EVI5: variants seen among roughly 807,000 people sequenced by gnomAD.
EVI5 encodes ecotropic viral integration site 5 protein homolog.
EVI5 carries 73 observed loss-of-function variants against 112.0 expected under a neutral mutation model. The ratio of observed to expected loss-of-function variants is 0.65; its 90% confidence interval spans 0.54 to 0.79. The LOEUF (loss-of-function observed/expected upper bound fraction) is 0.79, where lower values mean the gene tolerates loss of function less well. EVI5 is among the 30% of genes least tolerant of loss of function. The pLI is 0.00. For missense variants in EVI5, 900 were observed against 968.8 expected (o/e 0.93, Z 0.94); for synonymous variants, 305 against 319.9 (o/e 0.95, Z 0.50).
intron 18 of EVI5, among the ~76,000 whole-genome samples, chr1:92,579,519 A>G (rs1471252812): frequency 6.6e-6 from 1 of 152,236 alleles, no homozygotes; most frequent in African/African-American, 2.4e-5. Context: ...ATAATATACT[A>G]TAAAATTAAT....
chr1:92,634,953 C>T (rs999661780), intron 14 of EVI5, among the ~76,000 whole-genome samples: 27 of 152,210 alleles, frequency 1.8e-4, no homozygotes, highest in African/African-American at 6.5e-4. Flanking sequence ...ACTCCAGACC[C>T]TGTTTGCCTG....
At chr1:92,707,748 C>T (rs539563551) in intron 2 of EVI5, among the ~76,000 whole-genome samples, 12 of 152,190 alleles carry the variant, frequency 7.9e-5, no homozygotes, top group African/African-American at 2.4e-4. Flanking sequence ...AGTTGAAATA[C>T]ATATCCATAT....
At position 92,689,668 on chromosome 1, in the gene EVI5, C is replaced by T. The variant is rs143901291; in HGVS notation, c.1097+4134G>A. Among the ~76,000 whole-genome samples, 1,520 of 152,114 alleles carry T rather than the reference C, an allele frequency of 1.0e-2. 31 individuals are homozygous for T. Among genetic ancestry groups the T allele is most frequent in the African/African-American group, 0.034 (1,418 of 41,498 alleles). Reference sequence around the variant, plus strand: ...CAGATGTTAAACCACTGCACGTGGCCACAATAAGAACTCTTACACTGCCGG... The same window carrying T: ...CAGATGTTAAACCACTGCACGTGGCTACAATAAGAACTCTTACACTGCCGG... On this transcript the variant is annotated intron_variant, in intron 9 of 19. Transcript: ENST00000684568.
intron 19 of EVI5, among the ~76,000 whole-genome samples, chr1:92,522,311 A>C (rs905512741): frequency 1.6e-4 from 25 of 152,166 alleles, no homozygotes; most frequent in African/African-American, 6.0e-4. Context: ...TTTGATTTCT[A>C]TGTTTAAGCT....
At chr1:92,758,136 G>A (rs1298504778) in intron 1 of EVI5, among the ~76,000 whole-genome samples, 1 of 152,166 alleles carries the variant, frequency 6.6e-6, no homozygotes, top group Non-Finnish European at 1.5e-5. Context: ...GATAGGCTAT[G>A]AAACTATTAA....
intron 14 of EVI5, among the ~76,000 whole-genome samples, chr1:92,632,271 T>C (rs984805480): frequency 6.6e-6 from 1 of 152,216 alleles, no homozygotes; most frequent in African/African-American, 2.4e-5. Flanking sequence ...AGCTCCTCCT[T>C]GTACCTCTGG....
At chr1:92,546,897 TGA>T (rs963084300) in intron 19 of EVI5, among the ~76,000 whole-genome samples, 2 of 152,052 alleles carry the variant, frequency 1.3e-5, no homozygotes, top group Middle Eastern at 3.2e-3. Flanking sequence ...ACAATAATAA[TGA>T]GAGACTTTAA....
chr1:92,627,657 T>C (rs1424660654), intron 14 of EVI5, among the ~76,000 whole-genome samples: 2 of 152,212 alleles, frequency 1.3e-5, no homozygotes, highest in East Asian at 1.9e-4. Flanking sequence ...TGCAGAAGTG[T>C]TCCCTGTTCA....
chr1:92,635,817 G>A (rs369041243), intron 14 of EVI5, among the ~76,000 whole-genome samples: 52 of 152,236 alleles, frequency 3.4e-4, no homozygotes, highest in East Asian at 9.6e-4. Flanking sequence ...AAATTTTCCC[G>A]AAATGTCTAT....
chr1:92,752,427 G>A (rs1037086087), intron 1 of EVI5, among the ~76,000 whole-genome samples: 2 of 151,996 alleles, frequency 1.3e-5, no homozygotes, highest in African/African-American at 2.4e-5. Flanking sequence ...TGCCCGCCTC[G>A]ACCTCCCAAA....
intron 19 of EVI5, among the ~76,000 whole-genome samples, chr1:92,553,985 T>C (rs1461393126): frequency 3.3e-5 from 5 of 152,232 alleles, no homozygotes; most frequent in South Asian, 4.1e-4. Flanking sequence ...GATTGACTTT[T>C]TGTCAAGTTC....
At chr1:92,711,217 A>T (rs892840655) in intron 2 of EVI5, among the ~76,000 whole-genome samples, 13 of 152,212 alleles carry the variant, frequency 8.5e-5, no homozygotes, top group Non-Finnish European at 1.8e-4. Flanking sequence ...AAATCCATGT[A>T]GACAATAAGC....
chr1:92,727,103 G>T (rs1052914666), intron 2 of EVI5, among the ~76,000 whole-genome samples: 2 of 151,994 alleles, frequency 1.3e-5, no homozygotes, highest in African/African-American at 4.8e-5. Flanking sequence ...GAAAGAAGTC[G>T]GTTACAAAAG....
At chr1:92,740,851 T>C (rs1678261481) in intron 1 of EVI5, among the ~76,000 whole-genome samples, 1 of 152,198 alleles carries the variant, frequency 6.6e-6, no homozygotes, top group Non-Finnish European at 1.5e-5. Context: ...TTGTTAATTG[T>C]ATGGCAGTCT....
At chr1:92,647,691 T>G in intron 13 of EVI5, 3 of 277,950 alleles carry the variant, frequency 1.1e-5, no homozygotes, top group Non-Finnish European at 1.4e-5. Flanking sequence ...AGAGGGAAGG[T>G]GAAGGGGGCA....
intron 1 of EVI5, among the ~76,000 whole-genome samples, chr1:92,738,718 T>C (rs1677854092): frequency 6.6e-6 from 1 of 152,290 alleles, no homozygotes; most frequent in East Asian, 1.9e-4. Flanking sequence ...GAGTATTTAA[T>C]TGCATCTGCA....
intron 17 of EVI5, among the ~76,000 whole-genome samples, chr1:92,607,197 C>G (rs1474432086): frequency 1.3e-5 from 2 of 152,134 alleles, no homozygotes; most frequent in Admixed American, 1.3e-4. Context: ...ATTAACATTA[C>G]TGCCCACTAA....
At chr1:92,579,312 A>G (rs1270801027) in intron 18 of EVI5, among the ~76,000 whole-genome samples, 3 of 152,202 alleles carry the variant, frequency 2.0e-5, no homozygotes, top group Non-Finnish European at 4.4e-5. Flanking sequence ...ATTTAAATCA[A>G]CTGATCAGAC....
chr1:92,781,157 T>A (rs1449593270), intron 1 of EVI5, among the ~76,000 whole-genome samples: 1 of 152,028 alleles, frequency 6.6e-6, no homozygotes, highest in Non-Finnish European at 1.5e-5. Flanking sequence ...GCCTAAAAAG[T>A]GAATCTTGAC....
Sources: gnomAD v4.1 joint callset for allele counts (sites outside exome capture counted in the v4.1 genomes callset) on GRCh38, gnomAD v4.1.1 for gene constraint, MANE v1.5 for transcripts, NCBI Gene and HGNC (gene_info 2026-07-23, HGNC 2026-07-21) for gene names.